MYL4: variants seen among roughly 807,000 people sequenced by gnomAD.
MYL4 encodes atrial myosin light chain 1.
A neutral mutation model predicts 21.6 loss-of-function variants in MYL4; 16 were observed. That is an observed-to-expected ratio of 0.74 (90% CI 0.50 to 1.12). The LOEUF is 1.12. Among genes scored for constraint, MYL4 ranks in the 50% most tolerant of loss-of-function variants. MYL4 has a pLI of 0.00. For missense variants in MYL4, 249 were observed against 252.9 expected (o/e 0.98, Z 0.11); for synonymous variants, 82 against 95.7 (o/e 0.86, Z 0.83).
the MYL4 span, among the ~76,000 whole-genome samples, chr17:47,190,190 G>A: frequency 6.6e-6 from 1 of 152,124 alleles, no homozygotes; most frequent in African/African-American, 2.4e-5. Context: ...AAGAGTAGGG[G>A]GTCGGAAATT....
intron 1 of MYL4, among the ~76,000 whole-genome samples, chr17:47,210,052 C>A (rs2064762031): frequency 6.6e-6 from 1 of 152,196 alleles, no homozygotes; most frequent in Admixed American, 6.5e-5. Flanking sequence ...CACAAACACT[C>A]TTACGGCAGG....
intron 3 of MYL4, among the ~76,000 whole-genome samples, chr17:47,220,825 G>C (rs1310583733): frequency 6.6e-6 from 1 of 152,212 alleles, no homozygotes; most frequent in Non-Finnish European, 1.5e-5. Context: ...CTTCTCCTCA[G>C]TGGTGTTGGC....
At chr17:47,204,722 C>T (rs1294772518), upstream of MYL4, among the ~76,000 whole-genome samples, 2 of 116,982 alleles carry the variant, frequency 1.7e-5, no homozygotes, top group Non-Finnish European at 3.5e-5. Context: ...CAAAGTGAGA[C>T]CCTGTCTCGA....
In MYL4 at chr17:47,220,027, G is replaced by A. The variant is rs146980908; in HGVS notation, c.287G>A (p.Arg96His). 4.4e-5 allele frequency: 71 copies of A among 1,613,862 alleles called. No homozygotes were observed. The highest frequency in any genetic ancestry group is 2.0e-4 in the African/African-American group (15 of 74,948). Reference protein sequence around the residue: ...GQNPTNAEVLRVLGKPKPEEM... With the variant: ...GQNPTNAEVLHVLGKPKPEEM... ...AACCCTACCAATGCCGAGGTGCTGCGTGTGCTGGGCAAGCCCAAGCCTGAA... is the reference window on the plus strand; with the variant it reads ...AACCCTACCAATGCCGAGGTGCTGCATGTGCTGGGCAAGCCCAAGCCTGAA... Residue 96 changes from arginine (R) to histidine (H), a missense_variant, in exon 3 of 7, where the codon CGT becomes CAT. Physicochemically the swap from Arg to His is conservative, Grantham distance 29 (BLOSUM62 0). Transcript: ENST00000393450.
At chr17:47,221,899 A>G in intron 4 of MYL4, 44 bp downstream of exon 4, 4 of 1,461,190 alleles carry the variant, frequency 2.7e-6, no homozygotes, top group Non-Finnish European at 3.8e-6. Flanking sequence ...GGAGGAATGG[A>G]GGGGTGGGAG....
intron 1 of MYL4, among the ~76,000 whole-genome samples, chr17:47,211,336 C>T (rs1280114946): frequency 6.6e-6 from 1 of 151,994 alleles, no homozygotes; most frequent in East Asian, 1.9e-4. Flanking sequence ...TAATTTGAGG[C>T]CAGGCATTTG....
chr17:47,205,709 T>C (rs1443745457), upstream of MYL4, among the ~76,000 whole-genome samples: 1 of 152,152 alleles, frequency 6.6e-6, no homozygotes, highest in African/African-American at 2.4e-5. Context: ...GTGCCTAAGG[T>C]TTCAGGTGGT....
intron 1 of MYL4, among the ~76,000 whole-genome samples, chr17:47,202,469 C>G (rs1352828067): frequency 2.6e-5 from 4 of 152,144 alleles, no homozygotes; most frequent in African/African-American, 9.7e-5. Flanking sequence ...TTCTAATAAT[C>G]AAATATCAAA....
upstream of MYL4, among the ~76,000 whole-genome samples, chr17:47,196,135 T>G (rs2064688245): frequency 6.6e-6 from 1 of 152,072 alleles, no homozygotes; most frequent in South Asian, 2.1e-4. Flanking sequence ...TCTAAGAAAG[T>G]GATTAAAGTT....
downstream of MYL4, among the ~76,000 whole-genome samples, chr17:47,225,935 A>G (rs1479730733): frequency 1.3e-5 from 2 of 149,254 alleles, no homozygotes; most frequent in Non-Finnish European, 3.0e-5. Flanking sequence ...ACATAGGTAA[A>G]TTGCATGTCT....
At chr17:47,212,762 T>C (rs911820298) in intron 1 of MYL4, among the ~76,000 whole-genome samples, 1 of 152,326 alleles carries the variant, frequency 6.6e-6, no homozygotes, top group Middle Eastern at 3.4e-3. Flanking sequence ...GAAACTGTCA[T>C]GTTTGGGGAT....
intron 1 of MYL4, among the ~76,000 whole-genome samples, chr17:47,213,099 T>A (rs1356895493): frequency 6.6e-6 from 1 of 152,126 alleles, no homozygotes; most frequent in Non-Finnish European, 1.5e-5. Flanking sequence ...GTCAGAGGAC[T>A]ATGGACTAGG....
chr17:47,213,524 C>T (rs949856935), intron 1 of MYL4, among the ~76,000 whole-genome samples: 1 of 151,896 alleles, frequency 6.6e-6, no homozygotes, highest in Non-Finnish European at 1.5e-5. Context: ...ATTTTATTTT[C>T]GTGTGGTTAT....
Position 47,220,069 on chromosome 17 carries a change from T to C in MYL4, c.313+16T>C, listed in dbSNP as rs376080778. On this transcript the variant is annotated intron_variant, in intron 3 of 6. Coordinates refer to ENST00000393450, the MANE Select transcript of MYL4 (RefSeq NM_002476.2). ...AAGCCTGAAGGTCAGTGCGGCTGCATGGCAGACCTCTCCCAGGGTCAGGCT... is the reference window on the plus strand; with the variant it reads ...AAGCCTGAAGGTCAGTGCGGCTGCACGGCAGACCTCTCCCAGGGTCAGGCT... 6.9e-6 allele frequency: 11 copies of C among 1,600,080 alleles called. No individual in the cohort carries two copies. The highest frequency in any genetic ancestry group is 9.4e-6 in the Non-Finnish European group (11 of 1,172,248).
rs2064868771 is a variant in MYL4, at chr17:47,223,075, C to T, written c.*15+18C>T. 6.2e-7 allele frequency: 1 copy of T among 1,613,866 alleles called. No individual in the cohort carries two copies. The highest frequency in any genetic ancestry group is 8.5e-7 in the Non-Finnish European group (1 of 1,179,774). On this transcript the variant is annotated intron_variant, in intron 6 of 6. Coordinates refer to ENST00000393450, the MANE Select transcript of MYL4 (RefSeq NM_002476.2). The stretch of plus-strand genomic sequence containing the variant: ...TCTTCCAGGTGAGTGCAGCCTCTCC[C>T]TCCTGGTCCCTTCCGGGGTCACATA...
intron 3 of MYL4, 130 bp downstream of exon 3, chr17:47,220,183 C>G: frequency 8.6e-7 from 1 of 1,158,120 alleles, no homozygotes. Flanking sequence ...ACCAGCCTCA[C>G]CTACCCAGCT....
upstream of MYL4, among the ~76,000 whole-genome samples, chr17:47,207,981 T>C (rs1273116068): frequency 6.6e-6 from 1 of 152,186 alleles, no homozygotes; most frequent in East Asian, 1.9e-4. Flanking sequence ...GATTATCATA[T>C]ACATTATTCA....
chr17:47,224,544 C>A (rs1598662715), downstream of MYL4, among the ~76,000 whole-genome samples: 1 of 152,158 alleles, frequency 6.6e-6, no homozygotes, highest in Non-Finnish European at 1.5e-5. Context: ...TCCCTCCTTC[C>A]CCCAGCCCCT....
At chr17:47,194,617 A>G in the MYL4 span, among the ~76,000 whole-genome samples, 1 of 152,066 alleles carries the variant, frequency 6.6e-6, no homozygotes, top group Non-Finnish European at 1.5e-5. Context: ...TCTACCTCCA[A>G]AAATAAGTCT....
Sources: allele counts gnomAD v4.1 joint callset (sites outside exome capture counted in the v4.1 genomes callset), GRCh38; gene constraint gnomAD v4.1.1; transcripts MANE v1.5; gene names NCBI Gene and HGNC (gene_info 2026-07-23, HGNC 2026-07-21).